The following NECTIN2 variants were observed in gnomAD, a reference collection of about 807,000 sequenced individuals.
NECTIN2 encodes nectin cell adhesion molecule 2.
Under a neutral mutation model 56.9 loss-of-function variants are expected in NECTIN2, and 23 were observed. The observed-to-expected ratio is 0.40, with a 90% CI of 0.29 to 0.57. The LOEUF is 0.57. NECTIN2 is among the 20% of genes least tolerant of loss of function. The pLI is 0.38. For missense variants in NECTIN2, 587 were observed against 718.3 expected, an observed-to-expected ratio of 0.82 and a Z score of 2.09; for synonymous variants, 302 against 313.8, an observed-to-expected ratio of 0.96 and a Z score of 0.40.
chr19:44,860,577 T>A (rs955888917), intron 1 of NECTIN2, among the ~76,000 whole-genome samples: 11 of 152,004 alleles, frequency 7.2e-5, no homozygotes, highest in Admixed American at 2.0e-4. Context: ...AGCCACTGAA[T>A]TGTACTGTAT....
At chr19:44,862,507 G>T (rs1302030647) in intron 1 of NECTIN2, among the ~76,000 whole-genome samples, 3 of 151,604 alleles carry the variant, frequency 2.0e-5, no homozygotes, top group African/African-American at 4.8e-5. Context: ...TGTCTACCAT[G>T]GAATACTACA....
At chr19:44,882,031 C>A in intron 5 of NECTIN2, 180 bp from the exon 6 acceptor site, 1 of 446,662 alleles carries the variant, frequency 2.2e-6, no homozygotes, top group Non-Finnish European at 3.7e-6. Flanking sequence ...ATCTCCCATG[C>A]GGGGCACACA....
Position 44,888,153 on chromosome 19 carries a change from C to T in NECTIN2, c.1391C>T (p.Ser464Leu). The part of the protein sequence containing the change: ...YHELPTLEER[S>L]GPLHPGATSL... ...GAGCTGCCCACCTTGGAAGAACGGT[C>T]AGGACCCTTGCACCCTGGAGCCACA... is the stretch of plus-strand genomic sequence containing the variant. Residue 464 changes from serine to leucine, a missense_variant, in exon 9 of 9, where the codon TCA (serine) becomes TTA (leucine). Physicochemically the swap from Ser to Leu is moderately radical, Grantham distance 145. Coordinates refer to ENST00000252483, the MANE Select transcript of NECTIN2 (RefSeq NM_001042724.2). 3 of 1,614,154 alleles carry T rather than the reference C, an allele frequency of 1.9e-6. No homozygotes were observed. Among genetic ancestry groups the T allele is most frequent in the African/African-American group, 2.7e-5 (2 of 75,050 alleles).
chr19:44,887,620 G>A (rs1421587859), intron 8 of NECTIN2, among the ~76,000 whole-genome samples: 1 of 152,096 alleles, frequency 6.6e-6, no homozygotes, highest in Non-Finnish European at 1.5e-5. Context: ...ACAACAGCCT[G>A]GGAGACAAGA....
intron 5 of NECTIN2, among the ~76,000 whole-genome samples, chr19:44,881,628 A>G (rs1969308989): frequency 6.6e-6 from 1 of 151,792 alleles, no homozygotes. Context: ...TTGGGGCTAC[A>G]GTTGGTGGTG....
chr19:44,862,992 C>CAAAA (rs57740346), intron 1 of NECTIN2, among the ~76,000 whole-genome samples: 2 of 123,126 alleles, frequency 1.6e-5, no homozygotes, highest in Non-Finnish European at 3.3e-5. Context: ...ACTAAAAATA[C>CAAAA]AAAAAAAAAA....
At chr19:44,880,241 C>T (rs1345931083) in intron 5 of NECTIN2, among the ~76,000 whole-genome samples, 1 of 152,098 alleles carries the variant, frequency 6.6e-6, no homozygotes, top group Non-Finnish European at 1.5e-5. Context: ...GCCTGGCACA[C>T]AGTGGATCCT....
At chr19:44,855,284 G>A (rs1381940939) in intron 1 of NECTIN2, among the ~76,000 whole-genome samples, 2 of 150,820 alleles carry the variant, frequency 1.3e-5, no homozygotes, top group South Asian at 2.1e-4. Flanking sequence ...AATTAGCAGA[G>A]CGTGGTGGCG....
chr19:44,852,552 T>G lies in NECTIN2; in HGVS notation c.88+5939T>G, dbSNP rs552090077. Among the ~76,000 whole-genome samples, 3 of 148,102 alleles carry G rather than the reference T, an allele frequency of 2.0e-5. No homozygotes were observed. The East Asian group carries it at 5.9e-4, about 29-fold the overall frequency. On this transcript the variant is annotated intron_variant, in intron 1 of 8. Transcript: ENST00000252483. ...AAAAAAAAAAAAAAACAGAAAAGACTTGGGCTTGTTTCCTGAGGGCTCTGT... is the reference window on the plus strand; with the variant it reads ...AAAAAAAAAAAAAAACAGAAAAGACGTGGGCTTGTTTCCTGAGGGCTCTGT...
intron 5 of NECTIN2, chr19:44,878,638 A>C (rs1568598252): frequency 6.4e-7 from 1 of 1,570,960 alleles, no homozygotes; most frequent in Non-Finnish European, 8.6e-7. Flanking sequence ...ACAGACAGAG[A>C]CAGAGCCAGG....
chr19:44,857,705 G>GTTTTTTTT lies in NECTIN2; in HGVS notation c.89-7561_89-7560insTTTTTTTT, dbSNP rs752045466. Among the ~76,000 whole-genome samples the GTTTTTTTT allele has an allele frequency of 5.1e-5, 6 of 118,590 alleles. 2 individuals carry two copies. Among genetic ancestry groups the GTTTTTTTT allele is most frequent in the African/African-American group, 6.7e-5 (2 of 29,830 alleles). The allele number at this position is 118,590 out of a possible 152,430, so 77.8% of individuals were successfully genotyped here. A position where few individuals can be genotyped will look rare whatever the true frequency, so the allele number is the denominator to read the frequency against. On this transcript the variant is annotated intron_variant, in intron 1 of 8. Transcript: ENST00000252483. ...GCGTGAGCCATCGTGCCGGGTTTTT[G>GTTTTTTTT]TTTTTGTTTTTTTTTTTTTAAGAGA...
chr19:44,880,030 C>CA (rs1461964129), intron 5 of NECTIN2, among the ~76,000 whole-genome samples: 3 of 152,216 alleles, frequency 2.0e-5, no homozygotes. Flanking sequence ...CAGAGGATGC[C>CA]AGGCTGTGGA....
intron 1 of NECTIN2, among the ~76,000 whole-genome samples, chr19:44,853,200 TG>T (rs1304589511): frequency 1.3e-5 from 2 of 151,744 alleles, no homozygotes; most frequent in African/African-American, 4.8e-5. Flanking sequence ...CTTACAGCAA[TG>T]GGATTTTTTT....
intron 5 of NECTIN2, among the ~76,000 whole-genome samples, chr19:44,876,745 G>T (rs972491953): frequency 3.3e-5 from 5 of 152,124 alleles, no homozygotes; most frequent in African/African-American, 1.2e-4. Flanking sequence ...GAGACTCAGA[G>T]AACTTTTTAT....
chr19:44,873,919 C>T lies in NECTIN2; in HGVS notation c.779C>T (p.Pro260Leu). Reference sequence around the variant, plus strand: ...CCAGTCCCCCCATTTCCCCCAGACCCTCCTGAAGTGTCCATCTCCGGCTAT... The same window carrying T: ...CCAGTCCCCCCATTTCCCCCAGACCTTCCTGAAGTGTCCATCTCCGGCTAT... ...LIPVTLSVRY[P>L]PEVSISGYDD... The change falls in exon 4 of 9, where the codon CCT (proline) becomes CTT (leucine). Residue 260 changes from proline to leucine, a missense_variant. By Grantham distance (98) the Pro-to-Leu change is moderately conservative. Coordinates refer to ENST00000252483, the MANE Select transcript of NECTIN2 (RefSeq NM_001042724.2). 6.2e-7 allele frequency: 1 copy of T among 1,612,210 alleles called. No homozygotes were observed. The highest frequency in any genetic ancestry group is 8.5e-7 in the Non-Finnish European group (1 of 1,178,286).
intron 6 of NECTIN2, 62 bp from the exon 7 acceptor site, chr19:44,885,875 A>AC: frequency 7.2e-7 from 1 of 1,379,514 alleles, no homozygotes; most frequent in Non-Finnish European, 1.0e-6. Context: ...ATGTGCCATA[A>AC]CCCCGGAGTC....
chr19:44,879,087 T>C, intron 5 of NECTIN2: 1 of 255,776 alleles, frequency 3.9e-6, no homozygotes, highest in Non-Finnish European at 6.3e-6. Flanking sequence ...TGGGGAAGGC[T>C]GTGGGGCTCG....
chr19:44,879,097 G>A (rs745437150), intron 5 of NECTIN2, among the ~76,000 whole-genome samples: 5 of 152,096 alleles, frequency 3.3e-5, no homozygotes, highest in Admixed American at 2.0e-4. Flanking sequence ...TGTGGGGCTC[G>A]GACCACTTGG....
At chr19:44,868,006 G>C (rs1969122638) in intron 2 of NECTIN2, among the ~76,000 whole-genome samples, 1 of 152,004 alleles carries the variant, frequency 6.6e-6, no homozygotes, top group Non-Finnish European at 1.5e-5. Context: ...GGCATATAGT[G>C]GTGTTTTTAG....
Sources: gnomAD v4.1 joint callset for allele counts (sites outside exome capture counted in the v4.1 genomes callset) on GRCh38, gnomAD v4.1.1 for gene constraint, MANE v1.5 for transcripts, NCBI Gene and HGNC (gene_info 2026-07-23, HGNC 2026-07-21) for gene names.